Variants in TRIOBP observed in about 807,000 individuals in gnomAD.
TRIOBP encodes the protein TRIO and F-actin binding protein, also known as TRIO and F-actin-binding protein.
A neutral mutation model predicts 238.8 loss-of-function variants in TRIOBP; 169 were observed. The ratio of observed to expected loss-of-function variants is 0.71; its 90% CI spans 0.62 to 0.80. The LOEUF (loss-of-function observed/expected upper bound fraction) is 0.80. Among genes scored for constraint, TRIOBP ranks in the 30% least tolerant of loss-of-function variants. The pLI is 0.00. For missense variants in TRIOBP, 2,838 were observed against 3,122.6 expected, an observed-to-expected ratio of 0.91 and a Z score of 2.17; for synonymous variants, 1,150 against 1,274.4, an observed-to-expected ratio of 0.90 and a Z score of 2.08.
intron 17 of TRIOBP, among the ~76,000 whole-genome samples, chr22:37,761,719 G>A (rs1926251965): frequency 6.6e-6 from 1 of 152,126 alleles, no homozygotes. Flanking sequence ...AGGGAAGCCC[G>A]GAGACCGTCC....
chr22:37,772,832 T>TGGACCACCCCAGCC, intron 23 of TRIOBP, 68 bp downstream of exon 23: 1 of 1,575,458 alleles, frequency 6.3e-7, no homozygotes, highest in South Asian at 1.1e-5. Context: ...CGGGACTCCC[T>TGGACCACCCCAGCC]GGACCACCCC....
intron 6 of TRIOBP, among the ~76,000 whole-genome samples, 184 bp downstream of exon 6, chr22:37,716,118 T>G (rs1923504350): frequency 6.6e-6 from 1 of 152,142 alleles, no homozygotes; most frequent in Non-Finnish European, 1.5e-5. Context: ...TTAATTATTA[T>G]TATTATTATT....
chr22:37,710,762 C>T (rs1427294060), intron 4 of TRIOBP, among the ~76,000 whole-genome samples, 196 bp downstream of exon 4: 2 of 152,192 alleles, frequency 1.3e-5, no homozygotes, highest in Admixed American at 1.3e-4. Flanking sequence ...CAGATCACAC[C>T]ACCCTGTTTG....
At chr22:37,718,240 A>G (rs985324560) in intron 6 of TRIOBP, among the ~76,000 whole-genome samples, 1 of 152,192 alleles carries the variant, frequency 6.6e-6, no homozygotes, top group Non-Finnish European at 1.5e-5. Context: ...CCTCCGTGCA[A>G]GCTGAGGGAG....
chr22:37,729,857 T>C (rs1053607326), intron 7 of TRIOBP, among the ~76,000 whole-genome samples: 3 of 152,228 alleles, frequency 2.0e-5, no homozygotes, highest in Admixed American at 6.5e-5. Context: ...ATTTTAAAAC[T>C]GTGCAGTGTG....
In TRIOBP at chr22:37,764,345, G is replaced by A. The variant is rs562461252; in HGVS notation, c.6325-1325G>A. Among the ~76,000 whole-genome samples the A allele has an allele frequency of 1.1e-4, 16 of 152,254 alleles. No homozygotes were observed. In the East Asian group the frequency reaches 1.5e-3, roughly 15 times the overall value. ...CGGACAGGTCTGCACGTTTGTTCCC[G>A]TGAGTGAGATCATACCACGTGTATG... On this transcript the variant is annotated intron_variant, in intron 17 of 23. Transcript: ENST00000644935.
chr22:37,752,678 G>A (rs1474231177), intron 12 of TRIOBP, among the ~76,000 whole-genome samples: 4 of 152,210 alleles, frequency 2.6e-5, no homozygotes, highest in Non-Finnish European at 5.9e-5. Flanking sequence ...CGCTGTCCCT[G>A]GTGGCTGCTC....
intron 15 of TRIOBP, among the ~76,000 whole-genome samples, chr22:37,756,746 A>G (rs750184541): frequency 6.8e-4 from 103 of 152,320 alleles, no homozygotes; most frequent in Middle Eastern, 3.4e-3. Context: ...CTGTGGGAAT[A>G]CTGCGAGTGT....
chr22:37,710,806 T>G (rs922667851), intron 4 of TRIOBP, among the ~76,000 whole-genome samples: 4 of 152,194 alleles, frequency 2.6e-5, no homozygotes, highest in African/African-American at 9.7e-5. Flanking sequence ...TCCCCAGTCC[T>G]GGCTGTCTCT....
chr22:37,766,567 C>G (rs1279809635), intron 18 of TRIOBP, among the ~76,000 whole-genome samples: 1 of 152,244 alleles, frequency 6.6e-6, no homozygotes, highest in Non-Finnish European at 1.5e-5. Flanking sequence ...TAATCTGGCA[C>G]TAAGGTTTCT....
intron 17 of TRIOBP, among the ~76,000 whole-genome samples, chr22:37,764,772 A>C (rs1271218584): frequency 6.6e-6 from 1 of 152,172 alleles, no homozygotes; most frequent in Non-Finnish European, 1.5e-5. Flanking sequence ...TTACATCATC[A>C]GTTTCAGCTC....
intron 23 of TRIOBP, among the ~76,000 whole-genome samples, chr22:37,773,402 A>G (rs926106891): frequency 6.6e-6 from 1 of 152,072 alleles, no homozygotes; most frequent in Non-Finnish European, 1.5e-5. Flanking sequence ...CACTTTTTGT[A>G]TAGGTGGGGT....
chr22:37,717,122 C>T (rs1448599634), intron 6 of TRIOBP, among the ~76,000 whole-genome samples: 3 of 152,150 alleles, frequency 2.0e-5, no homozygotes, highest in Non-Finnish European at 2.9e-5. Context: ...GGTGGGTTCG[C>T]GGTCTCGCTG....
intron 3 of TRIOBP, among the ~76,000 whole-genome samples, chr22:37,703,455 A>G (rs1229762228): frequency 6.7e-6 from 1 of 149,870 alleles, no homozygotes; most frequent in African/African-American, 2.5e-5. Context: ...GGCCCTTCCA[A>G]CCTTGACCAC....
chr22:37,731,104 A>G (rs940944399), intron 7 of TRIOBP, among the ~76,000 whole-genome samples: 122 of 152,134 alleles, frequency 8.0e-4, no homozygotes, highest in African/African-American at 2.8e-3. Context: ...TTCTAATGAC[A>G]TTGGCAAAAG....
At chr22:37,751,894 A>C in intron 12 of TRIOBP, 66 bp downstream of exon 12, 1 of 1,162,476 alleles carries the variant, frequency 8.6e-7, no homozygotes, top group Non-Finnish European at 1.1e-6. Context: ...TGGGCAGCCC[A>C]GGAGTGGGGG....
In TRIOBP at chr22:37,754,994, T is replaced by C. The variant is rs982501591; in HGVS notation, c.5487+10T>C. Reference sequence around the variant, plus strand: ...CTCCACTGCTGAGGAGGTGAGGCCATGGGTGTACTGATGAACCCCCGGAAG... The same window carrying C: ...CTCCACTGCTGAGGAGGTGAGGCCACGGGTGTACTGATGAACCCCCGGAAG... On this transcript the variant is annotated intron_variant, in intron 13 of 23. Transcript: ENST00000644935. The C allele has an allele frequency of 6.2e-7, 1 of 1,613,746 alleles. No individual in the cohort carries two copies. Among genetic ancestry groups the C allele is most frequent in the African/African-American group, 1.3e-5 (1 of 75,060 alleles).
intron 2 of TRIOBP, among the ~76,000 whole-genome samples, chr22:37,700,451 C>T (rs941288287): frequency 2.7e-5 from 4 of 146,794 alleles, no homozygotes; most frequent in African/African-American, 7.5e-5. Flanking sequence ...CTGAAATCTG[C>T]TTTTTTTTTT....
At chr22:37,722,063 T>C (rs1431921149) in intron 6 of TRIOBP, among the ~76,000 whole-genome samples, 2 of 152,124 alleles carry the variant, frequency 1.3e-5, no homozygotes, top group Non-Finnish European at 2.9e-5. Context: ...CCAGAAGCAG[T>C]GCATCTGGGC....
Sources: gnomAD v4.1 joint callset for allele counts (sites outside exome capture counted in the v4.1 genomes callset) on GRCh38, gnomAD v4.1.1 for gene constraint, MANE v1.5 for transcripts, NCBI Gene and HGNC (gene_info 2026-07-23, HGNC 2026-07-21) for gene names.